The following NRROS variants were observed in gnomAD, a reference collection of about 807,000 sequenced individuals.
NRROS encodes the protein negative regulator of reactive oxygen species.
NRROS carries 6 observed loss-of-function variants against 12.0 expected under a neutral mutation model. The observed-to-expected ratio is 0.50, with a 90% confidence interval of 0.27 to 0.98. The LOEUF (loss-of-function observed/expected upper bound fraction) is 0.98, where lower values mean the gene tolerates loss of function less well. NRROS is among the 50% of genes least tolerant of loss of function. The pLI, the probability that NRROS is intolerant of heterozygous loss-of-function variation, is 0.11. For missense variants in NRROS, 857 were observed against 888.2 expected (o/e 0.96, Z 0.45); for synonymous variants, 462 against 410.2 (o/e 1.13, Z -1.53).
chr3:196,661,764 C>T lies in NRROS; in HGVS notation c.*42C>T, dbSNP rs1176910954. 1.3e-6 allele frequency: 2 copies of T among 1,498,278 alleles called. No homozygotes were observed. Among genetic ancestry groups the T allele is most frequent in the Admixed American group, 2.0e-5 (1 of 50,216 alleles). The allele number at this position is 1,498,278 out of a possible 1,614,324, so 92.8% of individuals were successfully genotyped here. ...GACTCGAAATTCGGTCCGCACACAA[C>T]AGGACACTTTCTCTGCCAGCTTTCA... On this transcript the variant is annotated 3_prime_UTR_variant, in exon 3 of 3. Transcript: ENST00000328557.
At position 196,639,750 on chromosome 3, in the gene NRROS, T is replaced by C. The variant is rs1374377501; in HGVS notation, c.-139T>C. 6.6e-6 allele frequency: 1 copy of C among 152,576 alleles called. No individual in the cohort carries two copies. The highest frequency in any genetic ancestry group is 2.4e-5 in the African/African-American group (1 of 41,478). 9.5% of individuals were successfully genotyped at this position (152,576 alleles called of 1,614,324 possible). A position where few individuals can be genotyped will look rare whatever the true frequency, so the allele number is the denominator to read the frequency against. ...TTCAGTTTCCGTCCGTTCCTTCCGC[T>C]GGTGCTAAAATAATCTGATGCCCCA... On this transcript the variant is annotated 5_prime_UTR_variant, in exon 1 of 3. Coordinates refer to ENST00000328557, the MANE Select transcript of NRROS (RefSeq NM_198565.3).
chr3:196,642,195 G>A (rs1178089755), intron 1 of NRROS, among the ~76,000 whole-genome samples: 1 of 151,280 alleles, frequency 6.6e-6, no homozygotes, highest in Non-Finnish European at 1.5e-5. Context: ...TAAGCCTCAC[G>A]TGCAACAATA....
rs1308130 is a variant in NRROS at position 196,649,759 on chromosome 3, T to C, written c.-13-4768T>C. Among the ~76,000 whole-genome samples, 162 of 152,246 alleles carry C rather than the reference T, an allele frequency of 1.1e-3. 1 individual carries two copies. The highest frequency in any genetic ancestry group is 3.4e-3 in the African/African-American group (142 of 41,556). The stretch of plus-strand genomic sequence containing the variant: ...TGCTGGGATTACAGGCGTGAGCCAC[T>C]GCGCCCGGCCAAAATATTTGTTTCT... On this transcript the variant is annotated intron_variant, in intron 1 of 2. Transcript: ENST00000328557.
chr3:196,650,396 G>A (rs1280109643), intron 1 of NRROS, among the ~76,000 whole-genome samples: 1 of 151,982 alleles, frequency 6.6e-6, no homozygotes, highest in Non-Finnish European at 1.5e-5. Flanking sequence ...CACCTGCCTC[G>A]GCCTCCCAAA....
chr3:196,657,203 CAA>C (rs916834660), intron 2 of NRROS, among the ~76,000 whole-genome samples: 13 of 112,912 alleles, frequency 1.2e-4, no homozygotes, highest in Non-Finnish European at 1.1e-4. Context: ...GACTCCGTAT[CAA>C]AAAAAAAAAA....
chr3:196,653,681 C>T (rs1277172323), intron 1 of NRROS, among the ~76,000 whole-genome samples: 2 of 152,258 alleles, frequency 1.3e-5, no homozygotes, highest in Non-Finnish European at 1.5e-5. Context: ...CGGGGCTGCT[C>T]TTAGCCCTGC....
In NRROS at chr3:196,653,714, G is replaced by A. The variant is rs116088847; in HGVS notation, c.-13-813G>A. The stretch of plus-strand genomic sequence containing the variant: ...TGCCACTAAGTTCATCCACAACCTC[G>A]AGTAGTATCTCTGGGCCTTTGTTCA... On this transcript the variant is annotated intron_variant, in intron 1 of 2. Coordinates refer to ENST00000328557, the MANE Select transcript of NRROS (RefSeq NM_198565.3). Among the ~76,000 whole-genome samples, 192 of 152,344 alleles carry A rather than the reference G, an allele frequency of 1.3e-3. 1 individual carries two copies. The highest frequency in any genetic ancestry group is 4.4e-3 in the African/African-American group (183 of 41,586).
chr3:196,657,256 C>G (rs1256332365), intron 2 of NRROS, among the ~76,000 whole-genome samples: 1 of 151,604 alleles, frequency 6.6e-6, no homozygotes, highest in African/African-American at 2.4e-5. Context: ...TCTGGGATGG[C>G]CATATGGTCC....
At chr3:196,646,803 A>G (rs1421875397) in intron 1 of NRROS, among the ~76,000 whole-genome samples, 3 of 152,146 alleles carry the variant, frequency 2.0e-5, no homozygotes, top group Admixed American at 6.6e-5. Flanking sequence ...TGACCAGAGA[A>G]CCGGAGAACC....
intron 2 of NRROS, among the ~76,000 whole-genome samples, chr3:196,656,514 G>A (rs1311201500): frequency 6.6e-6 from 1 of 152,222 alleles, no homozygotes; most frequent in African/African-American, 2.4e-5. Flanking sequence ...TGTGTTGACT[G>A]ATGATTAAAT....
intron 2 of NRROS, among the ~76,000 whole-genome samples, chr3:196,655,729 G>T (rs561036288): frequency 6.6e-6 from 1 of 152,288 alleles, no homozygotes; most frequent in Non-Finnish European, 1.5e-5. Context: ...CCCGGACCAC[G>T]CTCAGGCTAA....
At chr3:196,644,769 C>CAA (rs57304721) in intron 1 of NRROS, among the ~76,000 whole-genome samples, 5 of 109,168 alleles carry the variant, frequency 4.6e-5, no homozygotes, top group South Asian at 3.0e-4. Flanking sequence ...GAGACTCTGT[C>CAA]AAAAAAAAAA....
intron 1 of NRROS, among the ~76,000 whole-genome samples, chr3:196,645,303 T>C (rs1737286972): frequency 3.3e-5 from 5 of 152,052 alleles, no homozygotes; most frequent in Admixed American, 3.3e-4. Flanking sequence ...CATGCGTGAT[T>C]TAGTCAAGGG....
chr3:196,645,577 G>A (rs1415108218), intron 1 of NRROS, among the ~76,000 whole-genome samples: 2 of 152,128 alleles, frequency 1.3e-5, no homozygotes, highest in Non-Finnish European at 2.9e-5. Flanking sequence ...TGAAGAGCCC[G>A]GACAGAATCT....
chr3:196,661,822 G>A lies in NRROS; in HGVS notation c.*100G>A, dbSNP rs1333405484. 9.4e-7 allele frequency: 1 copy of A among 1,062,746 alleles called. No individual in the cohort carries two copies. The highest frequency in any genetic ancestry group is 1.9e-5 in the South Asian group (1 of 53,194). 65.8% of individuals were successfully genotyped at this position (1,062,746 alleles called of 1,614,324 possible). On this transcript the variant is annotated 3_prime_UTR_variant, in exon 3 of 3. Coordinates refer to ENST00000328557, the MANE Select transcript of NRROS (RefSeq NM_198565.3). ...ATGCAGAGGCCAAGTCTGACGAATT[G>A]AAGTTTCAATTAAAATTTAATATGT...
In NRROS at chr3:196,660,462, G is replaced by C. The variant is rs750748409; in HGVS notation, c.819G>C (p.Lys273Asn). The change falls in exon 3 of 3, where the codon AAG (lysine) becomes AAC (asparagine). Residue 273 changes from lysine (K) to asparagine (N), a missense_variant. Transcript: ENST00000328557. This position sits in a 1 kb window ranked among gnomAD's most constrained non-coding sequence, Gnocchi z 7.7. ...LFFPLLPQYS[K>N]LRTLLLRDNN... Reference sequence around the variant, plus strand: ...TCCCGCTGCTGCCCCAGTACAGCAAGTTGCGGACCCTCCTGCTGCGCGACA... The same window carrying C: ...TCCCGCTGCTGCCCCAGTACAGCAACTTGCGGACCCTCCTGCTGCGCGACA... 4 of 1,614,064 alleles carry C rather than the reference G, an allele frequency of 2.5e-6. No individual in the cohort carries two copies. In the Admixed American group the frequency reaches 6.7e-5, roughly 27 times the overall value.
At chr3:196,657,111 G>A (rs528284113) in intron 2 of NRROS, among the ~76,000 whole-genome samples, 1 of 152,078 alleles carries the variant, frequency 6.6e-6, no homozygotes, top group African/African-American at 2.4e-5. Context: ...GGCTGAGGCA[G>A]GCGAATCGCT....
At position 196,659,974 on chromosome 3, in the gene NRROS, G is replaced by A. The variant is rs533190321; in HGVS notation, c.331G>A (p.Val111Ile). ...FQEQGHLRSLVLGDNCLSENY... is the reference protein window; with the variant it reads ...FQEQGHLRSLILGDNCLSENY... Reference sequence around the variant, plus strand: ...GGAGCAAGGTCACCTGCGCAGCCTGGTCCTGGGGGACAACTGCCTCTCAGA... The same window carrying A: ...GGAGCAAGGTCACCTGCGCAGCCTGATCCTGGGGGACAACTGCCTCTCAGA... Residue 111 changes from valine to isoleucine, a missense_variant, in exon 3 of 3, where the codon GTC becomes ATC. Transcript: ENST00000328557. 4.0e-5 allele frequency: 64 copies of A among 1,613,792 alleles called. 1 individual carries two copies. In the South Asian group the frequency reaches 7.0e-4, roughly 18 times the overall value.
rs748283802 is a variant in NRROS, at chr3:196,660,489, C to T, written c.846C>T (p.Asn282=). Residue 282 remains asparagine, a synonymous_variant, in exon 3 of 3, where the codon AAC becomes AAT. Coordinates refer to ENST00000328557, the MANE Select transcript of NRROS (RefSeq NM_198565.3). This position sits in a 1 kb window ranked among gnomAD's most constrained non-coding sequence, Gnocchi z 7.7. ...SKLRTLLLRD[N]NMGFYRDLYN... ...TGCGGACCCTCCTGCTGCGCGACAA[C>T]AACATGGGCTTCTACCGGGACCTGT... The T allele has an allele frequency of 6.2e-7, 1 of 1,614,136 alleles. No individual in the cohort carries two copies.
Sources: gnomAD v4.1 joint callset for allele counts (sites outside exome capture counted in the v4.1 genomes callset) on GRCh38, gnomAD v4.1.1 for gene constraint, Gnocchi (gnomAD v3.1) non-coding constraint, MANE v1.5 for transcripts, NCBI Gene and HGNC (gene_info 2026-07-23, HGNC 2026-07-21) for gene names.